The following CDH5 variants were observed in gnomAD, a reference collection of about 807,000 sequenced individuals.
The protein encoded by CDH5 is cadherin-5.
Under a neutral mutation model 62.0 loss-of-function variants are expected in CDH5, and 28 were observed. That is an observed-to-expected ratio of 0.45 (90% CI 0.33 to 0.62). CDH5 has a LOEUF of 0.62. CDH5 is among the 20% of genes least tolerant of loss of function. The pLI is 0.02. For missense variants in CDH5, 940 were observed against 1,065.1 expected (o/e 0.88, Z 1.63); for synonymous variants, 464 against 445.8 (o/e 1.04, Z -0.52).
chr16:66,402,829 AGCCCCCGCG>A lies in CDH5; in HGVS notation c.2020_2028del (p.Pro674_Pro676del). 1 of 1,599,186 alleles carries A rather than the reference AGCCCCCGCG, an allele frequency of 6.3e-7. No individual in the cohort carries two copies. Among genetic ancestry groups the A allele is most frequent in the South Asian group, 1.1e-5 (1 of 89,258 alleles). On this transcript the variant is annotated inframe_deletion, in exon 12 of 12. Transcript: ENST00000341529. ...AACTCGGTGCGCCGCGGCGGGGCCA[AGCCCCCGCG>A]GCCCGCGCTGGACGCCCGGCCTTCC...
In CDH5 at chr16:66,400,944, G is replaced by A. The variant is rs1487915054; in HGVS notation, c.1765G>A (p.Asp589Asn). ...NEQGEFTFCE[D>N]MAAQVGVSIQ... is the part of the protein sequence containing the mutation. The stretch of plus-strand genomic sequence containing the variant: ...GCAGGGCGAGTTCACCTTCTGCGAG[G>A]ATATGGCCGCCCAGGTGGGCGTGAG... Residue 589 changes from aspartate to asparagine, a missense_variant, in exon 11 of 12, where the codon GAT becomes AAT. Transcript: ENST00000341529. 4.3e-6 allele frequency: 7 copies of A among 1,614,178 alleles called. No homozygotes were observed. The highest frequency in any genetic ancestry group is 5.9e-6 in the Non-Finnish European group (7 of 1,180,050).
chr16:66,376,043 G>A (rs565686006), intron 1 of CDH5, among the ~76,000 whole-genome samples: 9 of 152,050 alleles, frequency 5.9e-5, no homozygotes, highest in South Asian at 4.2e-4. Context: ...CCTGGGAGGC[G>A]GAGGTTGCAG....
chr16:66,373,616 C>T (rs1193681484), intron 1 of CDH5, among the ~76,000 whole-genome samples: 1 of 151,992 alleles, frequency 6.6e-6, no homozygotes, highest in Non-Finnish European at 1.5e-5. Flanking sequence ...AGGATTTCAC[C>T]ATGTTTCCCA....
At chr16:66,392,491 C>A (rs1961106423) in intron 7 of CDH5, 108 bp downstream of exon 7, 3 of 1,445,884 alleles carry the variant, frequency 2.1e-6, no homozygotes, top group African/African-American at 2.8e-5. Context: ...CTTCTCCTAG[C>A]ACTTACAGGG....
chr16:66,373,252 G>C (rs1960724602), intron 1 of CDH5, among the ~76,000 whole-genome samples: 1 of 152,086 alleles, frequency 6.6e-6, no homozygotes, highest in Non-Finnish European at 1.5e-5. Flanking sequence ...TGAAAAAAGG[G>C]CTATGACCAC....
At chr16:66,381,405 C>T (rs72786452) in intron 2 of CDH5, among the ~76,000 whole-genome samples, 17,506 of 152,284 alleles carry the variant, frequency 0.11, 1,145 homozygotes, top group Middle Eastern at 0.22. Context: ...CCATGTCAAA[C>T]TGTCACTGAT....
intron 9 of CDH5, 116 bp from the exon 10 acceptor site, chr16:66,398,340 T>C (rs568363407): frequency 3.7e-6 from 3 of 815,212 alleles, no homozygotes; most frequent in South Asian, 3.1e-5. Context: ...AGGTGAGTGT[T>C]GCAGGTGGGA....
chr16:66,382,101 GC>G (rs986367216), intron 2 of CDH5, among the ~76,000 whole-genome samples: 24 of 152,248 alleles, frequency 1.6e-4, no homozygotes, highest in Admixed American at 1.6e-3. Context: ...TGGCTATAGG[GC>G]CATCCCATGC....
At chr16:66,370,553 T>C (rs1328850038) in intron 1 of CDH5, among the ~76,000 whole-genome samples, 1 of 152,176 alleles carries the variant, frequency 6.6e-6, no homozygotes, top group Non-Finnish European at 1.5e-5. Flanking sequence ...GAACTGGAGC[T>C]GGCACCAGGC....
At chr16:66,371,727 G>T (rs1238680806) in intron 1 of CDH5, among the ~76,000 whole-genome samples, 1 of 152,162 alleles carries the variant, frequency 6.6e-6, no homozygotes, top group African/African-American at 2.4e-5. Flanking sequence ...TCTAAGGCTT[G>T]AGTGGGGCTC....
intron 4 of CDH5, 55 bp downstream of exon 4, chr16:66,388,495 T>C (rs1202993607): frequency 1.3e-5 from 15 of 1,178,760 alleles, no homozygotes; most frequent in Non-Finnish European, 1.9e-5. Context: ...CAAGGGGAGG[T>C]GGATACTCCA....
At chr16:66,367,177 T>G (rs1960602537) in intron 1 of CDH5, among the ~76,000 whole-genome samples, 1 of 152,220 alleles carries the variant, frequency 6.6e-6, no homozygotes, top group African/African-American at 2.4e-5. Flanking sequence ...TACCAAGGCC[T>G]GACACCAGCC....
intron 2 of CDH5, among the ~76,000 whole-genome samples, chr16:66,385,381 A>C (rs997173646): frequency 2.6e-5 from 4 of 152,224 alleles, no homozygotes. Flanking sequence ...TGTTACACAG[A>C]AAAATGGTTC....
At chr16:66,383,356 A>T (rs895062743) in intron 2 of CDH5, among the ~76,000 whole-genome samples, 3 of 152,210 alleles carry the variant, frequency 2.0e-5, no homozygotes. Context: ...AGGAGCAGGC[A>T]TCTGGAAACT....
intron 2 of CDH5, among the ~76,000 whole-genome samples, chr16:66,381,340 T>A (rs1316368078): frequency 1.3e-5 from 2 of 152,196 alleles, no homozygotes; most frequent in East Asian, 3.9e-4. Flanking sequence ...ATGTCTATCC[T>A]AAGCCCATCC....
Position 66,403,361 on chromosome 16 carries a change from G to A in CDH5, c.*192G>A. ...CTGAAATATCCAGGAATATATGTCA[G>A]TGATGACTATTCTCAAATGCTGGCA... On this transcript the variant is annotated 3_prime_UTR_variant, in exon 12 of 12. Transcript: ENST00000341529. This position sits in a 1 kb window ranked among gnomAD's most constrained non-coding sequence, Gnocchi z 4.3. 1 of 598,738 alleles carries A rather than the reference G, an allele frequency of 1.7e-6. No individual in the cohort carries two copies. 37.1% of individuals were successfully genotyped at this position (598,738 alleles called of 1,614,324 possible).
At chr16:66,395,052 TTTTTTTTTTTTG>T in intron 7 of CDH5, among the ~76,000 whole-genome samples, 2 of 99,808 alleles carry the variant, frequency 2.0e-5, no homozygotes, top group Admixed American at 2.3e-4. Flanking sequence ...TTTTTTTTTT[TTTTTTTTTTTTG>T]GTGAGACAGG....
In CDH5 at chr16:66,390,557, C is replaced by T. The variant is rs765869409; in HGVS notation, c.936C>T (p.Pro312=). 43 of 1,613,968 alleles carry T rather than the reference C, an allele frequency of 2.7e-5. No homozygotes were observed. The highest frequency in any genetic ancestry group is 5.3e-5 in the African/African-American group (4 of 74,906). The part of the protein sequence containing the change: ...YQDAFTIETN[P]AHNEGIIKPM... ...ACGCTTTCACCATTGAGACAAACCC[C>T]GCCCACAACGAGGGCATCATCAAGC... is the stretch of plus-strand genomic sequence containing the variant. The change falls in exon 6 of 12, where the codon CCC becomes CCT. Residue 312 remains proline, a synonymous_variant. Transcript: ENST00000341529.
intron 1 of CDH5, among the ~76,000 whole-genome samples, chr16:66,375,555 T>C (rs933660048): frequency 5.3e-5 from 8 of 151,032 alleles, no homozygotes; most frequent in African/African-American, 1.9e-4. Flanking sequence ...AAAATAAAAA[T>C]AAAAATAAAA....
Sources: gnomAD v4.1 joint callset for allele counts (sites outside exome capture counted in the v4.1 genomes callset) on GRCh38, gnomAD v4.1.1 for gene constraint, Gnocchi (gnomAD v3.1) non-coding constraint, MANE v1.5 for transcripts, NCBI Gene and HGNC (gene_info 2026-07-23, HGNC 2026-07-21) for gene names.